ARHGEF28: variants seen among roughly 807,000 people sequenced by gnomAD.
ARHGEF28 encodes the protein Rho guanine nucleotide exchange factor 28.
Under a neutral mutation model 206.6 loss-of-function variants are expected in ARHGEF28, and 152 were observed. The observed-to-expected ratio is 0.74, with a 90% confidence interval of 0.64 to 0.84. The LOEUF is 0.84. Among genes scored for constraint, ARHGEF28 ranks in the 40% least tolerant of loss-of-function variants. The probability of loss-of-function intolerance (pLI) is 0.00; values close to 1 mark genes in which losing one functional copy is unlikely to be tolerated. For missense variants in ARHGEF28, 2,028 were observed against 2,073.2 expected (o/e 0.98, Z 0.42); for synonymous variants, 763 against 776.4 (o/e 0.98, Z 0.29).
chr5:73,734,006 G>A (rs112958348), intron 2 of ARHGEF28, among the ~76,000 whole-genome samples: 5,793 of 152,082 alleles, frequency 0.038, 363 homozygotes, highest in African/African-American at 0.13. Context: ...GCAAGAACTC[G>A]CTATCACAAG....
chr5:73,869,555 T>C (rs2973556), intron 20 of ARHGEF28, among the ~76,000 whole-genome samples: 71,546 of 151,998 alleles, frequency 0.47, 17,420 homozygotes, highest in African/African-American at 0.59. Context: ...AAATATTTGA[T>C]TCTTTGCTGT....
chr5:73,670,751 T>C (rs1379941701), intron 1 of ARHGEF28, among the ~76,000 whole-genome samples: 1 of 152,242 alleles, frequency 6.6e-6, no homozygotes, highest in Non-Finnish European at 1.5e-5. Flanking sequence ...CTAATGATGT[T>C]GAAAATATTC....
At chr5:73,833,642 G>C (rs984231149) in intron 10 of ARHGEF28, among the ~76,000 whole-genome samples, 3 of 152,156 alleles carry the variant, frequency 2.0e-5, no homozygotes, top group African/African-American at 7.2e-5. Context: ...CACAGGATGT[G>C]TTAGTCCCTT....
chr5:73,750,122 GTA>G (rs1751949307), intron 3 of ARHGEF28, 138 bp downstream of exon 3: 2 of 930,094 alleles, frequency 2.2e-6, no homozygotes, highest in African/African-American at 3.3e-5. Context: ...GCCTGTGTGT[GTA>G]TGTGTATATT....
At chr5:73,757,384 C>G (rs1752372768) in intron 4 of ARHGEF28, among the ~76,000 whole-genome samples, 1 of 152,098 alleles carries the variant, frequency 6.6e-6, no homozygotes, top group South Asian at 2.1e-4. Context: ...TTTATGATTT[C>G]TTCAAATATA....
chr5:73,731,521 T>C (rs1423725775), intron 2 of ARHGEF28, among the ~76,000 whole-genome samples: 3 of 152,224 alleles, frequency 2.0e-5, no homozygotes. Flanking sequence ...AGTTACTGTG[T>C]CATAATGTAC....
chr5:73,763,894 G>A (rs1220597419), intron 4 of ARHGEF28, among the ~76,000 whole-genome samples: 2 of 152,206 alleles, frequency 1.3e-5, no homozygotes, highest in Non-Finnish European at 2.9e-5. Flanking sequence ...CGGTAAGCAG[G>A]CAGCTAGTTC....
intron 35 of ARHGEF28, among the ~76,000 whole-genome samples, chr5:73,934,050 A>G (rs1764281708): frequency 6.6e-6 from 1 of 151,998 alleles, no homozygotes; most frequent in Admixed American, 6.5e-5. Flanking sequence ...AAATTTTACA[A>G]TTGTTAAAAA....
rs182575197 is a variant in ARHGEF28 at position 73,830,776 on chromosome 5, T to C, written c.1025-1562T>C. On this transcript the variant is annotated intron_variant, in intron 9 of 35. Transcript: ENST00000513042. Reference sequence around the variant, plus strand: ...CTTCCAAGAAAGAATGGATTTTTTTTTTGCTCATGGTACTTCAGCCCAACA... The same window carrying C: ...CTTCCAAGAAAGAATGGATTTTTTTCTTGCTCATGGTACTTCAGCCCAACA... Among the ~76,000 whole-genome samples, 620 of 152,254 alleles carry C rather than the reference T, an allele frequency of 4.1e-3. 1 individual carries two copies. Among genetic ancestry groups the C allele is most frequent in the Non-Finnish European group, 6.5e-3 (443 of 68,002 alleles).
intron 15 of ARHGEF28, 151 bp from the exon 16 acceptor site, chr5:73,857,936 A>G (rs1421145842): frequency 5.2e-6 from 7 of 1,351,988 alleles, no homozygotes; most frequent in Admixed American, 2.5e-5. Context: ...TATAACATTT[A>G]GGTGTTATGG....
At chr5:73,855,802 A>G (rs1758992032) in intron 14 of ARHGEF28, among the ~76,000 whole-genome samples, 1 of 152,096 alleles carries the variant, frequency 6.6e-6, no homozygotes, top group Non-Finnish European at 1.5e-5. Flanking sequence ...GTGCATTTGT[A>G]AGTTTTTAAT....
chr5:73,929,596 T>C (rs979275703), intron 35 of ARHGEF28, among the ~76,000 whole-genome samples: 3 of 152,210 alleles, frequency 2.0e-5, no homozygotes, highest in African/African-American at 7.2e-5. Flanking sequence ...ATCGTGAATA[T>C]TTTTAAAGTA....
chr5:73,674,770 A>G (rs576271792), intron 1 of ARHGEF28, among the ~76,000 whole-genome samples: 224 of 152,312 alleles, frequency 1.5e-3, no homozygotes, highest in Non-Finnish European at 2.3e-3. Context: ...ATGGCCAATG[A>G]TGCAATGAGT....
At chr5:73,739,819 A>G (rs985483943) in intron 2 of ARHGEF28, among the ~76,000 whole-genome samples, 1 of 141,470 alleles carries the variant, frequency 7.1e-6, no homozygotes, top group Non-Finnish European at 1.5e-5. Context: ...TCTAATAATA[A>G]TAATAATAAA....
chr5:73,676,139 C>A (rs577835607), intron 1 of ARHGEF28, among the ~76,000 whole-genome samples: 2 of 145,872 alleles, frequency 1.4e-5, no homozygotes, highest in East Asian at 2.0e-4. Context: ...GGTGCGATCT[C>A]GGTTCACTGC....
At chr5:73,739,213 G>C (rs546448119) in intron 2 of ARHGEF28, among the ~76,000 whole-genome samples, 39 of 152,024 alleles carry the variant, frequency 2.6e-4, no homozygotes, top group African/African-American at 9.2e-4. Context: ...TGTTCTTTAA[G>C]TTTATTGCAT....
In ARHGEF28 at chr5:73,860,087, C is replaced by T. The variant is rs181944637; in HGVS notation, c.2047+1868C>T. Among the ~76,000 whole-genome samples the T allele has an allele frequency of 4.6e-5, 7 of 152,202 alleles. No homozygotes were observed. In the East Asian group the frequency reaches 5.8e-4, roughly 13 times the overall value. On this transcript the variant is annotated intron_variant, in intron 16 of 35. Coordinates refer to ENST00000513042, the MANE Select transcript of ARHGEF28 (RefSeq NM_001177693.2). Reference sequence around the variant, plus strand: ...CTTTCAGGGATGTTTCCTTCTTTTCCGTGGCACACTACTCTTCTGTTTTAC... The same window carrying T: ...CTTTCAGGGATGTTTCCTTCTTTTCTGTGGCACACTACTCTTCTGTTTTAC...
intron 26 of ARHGEF28, among the ~76,000 whole-genome samples, chr5:73,890,008 A>G (rs1324441672): frequency 6.6e-6 from 1 of 152,238 alleles, no homozygotes; most frequent in Non-Finnish European, 1.5e-5. Flanking sequence ...CCGTGGCACA[A>G]ATAAAACATC....
At chr5:73,637,357 T>A (rs1346295192) in intron 1 of ARHGEF28, among the ~76,000 whole-genome samples, 1 of 152,190 alleles carries the variant, frequency 6.6e-6, no homozygotes, top group Non-Finnish European at 1.5e-5. Context: ...TTCCTTCTGT[T>A]TAGTCTCACA....
Sources: gnomAD v4.1 joint callset for allele counts (sites outside exome capture counted in the v4.1 genomes callset) on GRCh38, gnomAD v4.1.1 for gene constraint, MANE v1.5 for transcripts, NCBI Gene and HGNC (gene_info 2026-07-23, HGNC 2026-07-21) for gene names.